ENAH: variants seen among roughly 807,000 people sequenced by gnomAD.
ENAH encodes ENAH actin regulator, also known as protein enabled homolog.
A neutral mutation model predicts 78.7 loss-of-function variants in ENAH; 23 were observed. The ratio of observed to expected loss-of-function variants is 0.29; its 90% CI spans 0.21 to 0.41. ENAH has a LOEUF of 0.41. Ranked by LOEUF, ENAH falls within the 10% of genes least tolerant of loss-of-function variation. The pLI is 1.00. For missense variants in ENAH, 544 were observed against 691.0 expected (o/e 0.79, Z 2.39); for synonymous variants, 226 against 241.0 (o/e 0.94, Z 0.58).
At chr1:225,505,054 C>T in intron 11 of ENAH, 2 of 1,608,882 alleles carry the variant, frequency 1.2e-6, no homozygotes, top group Non-Finnish European at 1.7e-6. Flanking sequence ...AGAATCCCGT[C>T]TATGAAGGGG....
At chr1:225,651,888 G>A (rs1230942170) in intron 1 of ENAH, among the ~76,000 whole-genome samples, 3 of 152,044 alleles carry the variant, frequency 2.0e-5, no homozygotes, top group Non-Finnish European at 4.4e-5. Context: ...ATGTTTCATC[G>A]TATCAATTAA....
rs1307548344 is a variant in ENAH at position 225,494,537 on chromosome 1, G to A, written c.*3238C>T. On this transcript the variant is annotated 3_prime_UTR_variant, in exon 14 of 14. Coordinates refer to ENST00000366843, the MANE Select transcript of ENAH (RefSeq NM_018212.6). ...CACTTAATCATCATCTTGACTATAA[G>A]AGGAAGTTACTGTGTCAAGGTGGGC... 7 of 152,136 alleles carry A rather than the reference G, an allele frequency of 4.6e-5. No individual in the cohort carries two copies. The highest frequency in any genetic ancestry group is 3.9e-4 in the Admixed American group (6 of 15,278). 9.4% of individuals were successfully genotyped at this position (152,136 alleles called of 1,614,324 possible). A position where few individuals can be genotyped will look rare whatever the true frequency, so the allele number is the denominator to read the frequency against.
intron 3 of ENAH, among the ~76,000 whole-genome samples, chr1:225,544,667 G>A (rs967105919): frequency 2.0e-5 from 3 of 152,154 alleles, no homozygotes; most frequent in East Asian, 1.9e-4. Flanking sequence ...TAAAAGCTGC[G>A]CTCATGAAAA....
At chr1:225,539,405 TCAA>T (rs2096578290) in intron 3 of ENAH, among the ~76,000 whole-genome samples, 1 of 152,316 alleles carries the variant, frequency 6.6e-6, no homozygotes, top group African/African-American at 2.4e-5. Flanking sequence ...ACTCAACTTG[TCAA>T]CAACAAAGTA....
At chr1:225,597,640 A>G (rs1442018337) in intron 1 of ENAH, among the ~76,000 whole-genome samples, 1 of 141,226 alleles carries the variant, frequency 7.1e-6, no homozygotes, top group Non-Finnish European at 1.5e-5. Context: ...CCTGGGCGAC[A>G]GTGCAAGAGC....
At chr1:225,572,399 ATAACT>A (rs2096767541) in intron 1 of ENAH, among the ~76,000 whole-genome samples, 1 of 152,178 alleles carries the variant, frequency 6.6e-6, no homozygotes, top group African/African-American at 2.4e-5. Context: ...GGGGACAAAC[ATAACT>A]TATTTAAAAT....
intron 1 of ENAH, among the ~76,000 whole-genome samples, chr1:225,633,538 A>C (rs1371192513): frequency 1.3e-5 from 2 of 152,204 alleles, no homozygotes; most frequent in Non-Finnish European, 2.9e-5. Flanking sequence ...AGGACTTTGG[A>C]GTTACGCAGG....
At chr1:225,522,929 CA>C (rs1220259520) in intron 4 of ENAH, among the ~76,000 whole-genome samples, 5 of 151,968 alleles carry the variant, frequency 3.3e-5, no homozygotes, top group Admixed American at 6.6e-5. Flanking sequence ...TCTATTTTAC[CA>C]AAACAACATA....
At chr1:225,552,312 T>C (rs1018347809) in intron 3 of ENAH, among the ~76,000 whole-genome samples, 14 of 151,802 alleles carry the variant, frequency 9.2e-5, no homozygotes, top group Admixed American at 3.3e-4. Context: ...AATTTTTTTG[T>C]ATTTTTTAGT....
chr1:225,520,950 G>A (rs61850570), intron 4 of ENAH, among the ~76,000 whole-genome samples: 3 of 61,738 alleles, frequency 4.9e-5, no homozygotes, highest in Admixed American at 1.9e-4. Context: ...GGGAGGGAGG[G>A]AGGGAGGGAG....
chr1:225,544,870 A>C (rs555653656), intron 3 of ENAH, among the ~76,000 whole-genome samples: 1 of 152,350 alleles, frequency 6.6e-6, no homozygotes, highest in Admixed American at 6.5e-5. Context: ...GAAAAATCAC[A>C]AATGTACTGA....
At chr1:225,559,352 T>C in intron 2 of ENAH, among the ~76,000 whole-genome samples, 1 of 152,220 alleles carries the variant, frequency 6.6e-6, no homozygotes, top group East Asian at 1.9e-4. Flanking sequence ...ATATATACAA[T>C]TTTGAAATTG....
At chr1:225,638,382 C>T (rs1660433760) in intron 1 of ENAH, among the ~76,000 whole-genome samples, 1 of 152,148 alleles carries the variant, frequency 6.6e-6, no homozygotes, top group South Asian at 2.1e-4. Flanking sequence ...TGGTCTTGAA[C>T]TCTTGGGCTC....
intron 2 of ENAH, among the ~76,000 whole-genome samples, chr1:225,566,138 G>A (rs1396902000): frequency 1.3e-5 from 2 of 152,130 alleles, no homozygotes; most frequent in East Asian, 3.9e-4. Context: ...ATTTCTCGGG[G>A]GAGCTTCTAA....
At chr1:225,573,093 G>A (rs946563363) in intron 1 of ENAH, among the ~76,000 whole-genome samples, 14 of 152,244 alleles carry the variant, frequency 9.2e-5, no homozygotes, top group South Asian at 2.1e-4. Context: ...TGAATGAAGC[G>A]CTTCCTGGTA....
chr1:225,620,934 G>A (rs1656743241), intron 1 of ENAH, among the ~76,000 whole-genome samples: 1 of 151,966 alleles, frequency 6.6e-6, no homozygotes, highest in African/African-American at 2.4e-5. Flanking sequence ...GAACCTGGGA[G>A]GCAGAGACTG....
At chr1:225,562,814 T>G (rs369939673) in intron 2 of ENAH, among the ~76,000 whole-genome samples, 1 of 151,640 alleles carries the variant, frequency 6.6e-6, no homozygotes, top group African/African-American at 2.4e-5. Flanking sequence ...CATTAAGATA[T>G]GTAAGAATGA....
chr1:225,551,728 AT>A (rs2096641571), intron 3 of ENAH, among the ~76,000 whole-genome samples: 1 of 152,252 alleles, frequency 6.6e-6, no homozygotes. Context: ...CACCTAATAA[AT>A]AAAAATACAA....
chr1:225,630,648 A>G, intron 1 of ENAH, among the ~76,000 whole-genome samples: 1 of 152,246 alleles, frequency 6.6e-6, no homozygotes, highest in East Asian at 1.9e-4. Context: ...CCCATTTGCT[A>G]TAAAGGCATT....
Sources: gnomAD v4.1 joint callset for allele counts (sites outside exome capture counted in the v4.1 genomes callset) on GRCh38, gnomAD v4.1.1 for gene constraint, MANE v1.5 for transcripts, NCBI Gene and HGNC (gene_info 2026-07-23, HGNC 2026-07-21) for gene names.